PAX9: variants seen among roughly 807,000 people sequenced by gnomAD.
The protein encoded by PAX9 is paired box 9, also known as paired box protein Pax-9.
In PAX9, 6 loss-of-function variants were observed where a neutral mutation model predicts 29.1. The observed-to-expected ratio is 0.21, with a 90% CI of 0.11 to 0.41. The LOEUF is 0.41. Among genes scored for constraint, PAX9 ranks in the 10% least tolerant of loss-of-function variants. PAX9 has a pLI of 1.00. For synonymous variants in PAX9, 217 were observed against 211.7 expected, an observed-to-expected ratio of 1.03 and a Z score of -0.22; for missense variants, 443 against 479.1, an observed-to-expected ratio of 0.92 and a Z score of 0.70.
intron 2 of PAX9, 139 bp from the exon 3 acceptor site, chr14:36,666,323 G>GC: frequency 8.9e-7 from 1 of 1,123,318 alleles, no homozygotes. Context: ...GCTGGGCCCA[G>GC]CGCCCTCGGG....
upstream of PAX9, chr14:36,658,903 T>G (rs2139102567): frequency 6.6e-6 from 1 of 152,460 alleles, no homozygotes; most frequent in Non-Finnish European, 1.5e-5. Context: ...CCCCGGCCCC[T>G]GCTCCCCTTG....
chr14:36,659,276 C>T (rs879625385), upstream of PAX9, among the ~76,000 whole-genome samples: 5 of 152,202 alleles, frequency 3.3e-5, no homozygotes, highest in Middle Eastern at 3.2e-3. Context: ...TTACATTCAT[C>T]GGGACTGACC....
chr14:36,679,312 C>A lies in PAX9; in HGVS notation c.*2860C>A. The A allele has an allele frequency of 1.0e-6, 1 of 973,614 alleles. No individual in the cohort carries two copies. The highest frequency in any genetic ancestry group is 1.2e-6 in the Non-Finnish European group (1 of 819,392). The allele number at this position is 973,614 out of a possible 1,614,324, so 60.3% of individuals were successfully genotyped here. A position where few individuals can be genotyped will look rare whatever the true frequency, so the allele number is the denominator to read the frequency against. On this transcript the variant is annotated 3_prime_UTR_variant, in exon 4 of 4. Transcript: ENST00000361487. ...GTATGTATATACAGTATGTCAAAAG[C>A]CTTTTATTTTTATACTTCAAATGCT...
intron 3 of PAX9, among the ~76,000 whole-genome samples, chr14:36,668,766 C>T (rs1312348083): frequency 2.6e-5 from 4 of 151,864 alleles, no homozygotes; most frequent in Non-Finnish European, 5.9e-5. Context: ...TAATACACTT[C>T]AAAACTAAAC....
Position 36,676,527 on chromosome 14 carries a change from A to C in PAX9, c.*75A>C. 1.5e-5 allele frequency: 23 copies of C among 1,547,070 alleles called. No homozygotes were observed. The highest frequency in any genetic ancestry group is 2.3e-5 in the East Asian group (1 of 43,968). On this transcript the variant is annotated 3_prime_UTR_variant, in exon 4 of 4. Coordinates refer to ENST00000361487, the MANE Select transcript of PAX9 (RefSeq NM_001372076.1). ...CCTCCTCCCCCAATTCCCAGGTCTC[A>C]CATCCCACCCCTCCTGCCCTCCAAC...
chr14:36,666,275 C>T, intron 2 of PAX9, 187 bp from the exon 3 acceptor site: 1 of 672,480 alleles, frequency 1.5e-6, no homozygotes, highest in South Asian at 1.9e-5. Flanking sequence ...GGGAGTAAAA[C>T]TTCACCAGGC....
At chr14:36,666,301 C>T in intron 2 of PAX9, 161 bp from the exon 3 acceptor site, 1 of 819,524 alleles carries the variant, frequency 1.2e-6, no homozygotes, top group Non-Finnish European at 1.9e-6. Context: ...GCTGGAAGCA[C>T]AGGAGGTCGC....
upstream of PAX9, among the ~76,000 whole-genome samples, chr14:36,661,481 AC>A (rs1391121249): frequency 6.6e-6 from 1 of 152,182 alleles, no homozygotes; most frequent in African/African-American, 2.4e-5. Context: ...ACCCCTGTGC[AC>A]GGTGGCGCCC....
chr14:36,676,509 C>A lies in PAX9; in HGVS notation c.*57C>A. The A allele has an allele frequency of 6.3e-7, 1 of 1,595,260 alleles. No homozygotes were observed. The highest frequency in any genetic ancestry group is 8.5e-7 in the Non-Finnish European group (1 of 1,174,840). On this transcript the variant is annotated 3_prime_UTR_variant, in exon 4 of 4. Transcript: ENST00000361487. ...GGTCTCCCTGTCTCAGCACCTCCTC[C>A]CCCAATTCCCAGGTCTCACATCCCA...
Position 36,662,057 on chromosome 14 carries a change from A to C in PAX9, c.-33A>C. 1 of 1,560,944 alleles carries C rather than the reference A, an allele frequency of 6.4e-7. No individual in the cohort carries two copies. The highest frequency in any genetic ancestry group is 8.7e-7 in the Non-Finnish European group (1 of 1,153,478). On this transcript the variant is annotated 5_prime_UTR_variant, in exon 1 of 4. Transcript: ENST00000361487. ...GGAAAGTTTCTGTCTGGGAGTGCGG[A>C]ACTGGGGCCGGGTTGGTGTACTGCT...
In PAX9 at chr14:36,663,248, C is replaced by T; in HGVS notation, c.356C>T (p.Ser119Phe). 6.2e-7 allele frequency: 1 copy of T among 1,614,154 alleles called. No individual in the cohort carries two copies. Among genetic ancestry groups the T allele is most frequent in the Non-Finnish European group, 8.5e-7 (1 of 1,180,038 alleles). Residue 119 changes from serine (S) to phenylalanine (F), a missense_variant, in exon 2 of 4, where the codon TCC becomes TTC. This residue lies in a region of PAX9 where 336 missense variants were observed against 317.2 expected (regional missense o/e 1.06). Coordinates refer to ENST00000361487, the MANE Select transcript of PAX9 (RefSeq NM_001372076.1). ...GTGTGCGACAAGTACAATGTGCCCT[C>T]CGTGAGCTCCATCAGCCGCATTCTG... ...DGVCDKYNVP[S>F]VSSISRILRN...
At chr14:36,667,399 C>T (rs1288081038) in intron 3 of PAX9, among the ~76,000 whole-genome samples, 1 of 151,800 alleles carries the variant, frequency 6.6e-6, no homozygotes, top group Non-Finnish European at 1.5e-5. Context: ...AATTCATCAC[C>T]GTCCTGGAGT....
At position 36,666,538 on chromosome 14, in the gene PAX9, C is replaced by T. The variant is rs551285943; in HGVS notation, c.708C>T (p.Ala236=). The T allele has an allele frequency of 8.2e-6, 13 of 1,593,358 alleles. No homozygotes were observed. The Admixed American group carries it at 2.3e-4, about 28-fold the overall frequency. Residue 236 remains alanine (A), a synonymous_variant, in exon 3 of 4, where the codon GCC becomes GCT. Transcript: ENST00000361487. ...TGGGCCGCAACAACTTCCCCGCCGCCGCCCCGCACGCGGTGAACGGGTTGG... is the reference window on the plus strand; with the variant it reads ...TGGGCCGCAACAACTTCCCCGCCGCTGCCCCGCACGCGGTGAACGGGTTGG... ...SSLGRNNFPA[A]APHAVNGLEK...
Position 36,666,475 on chromosome 14 carries a change from C to A in PAX9, c.645C>A (p.Ser215=), listed in dbSNP as rs766239217. 6.2e-7 allele frequency: 1 copy of A among 1,611,076 alleles called. No homozygotes were observed. The highest frequency in any genetic ancestry group is 8.5e-7 in the Non-Finnish European group (1 of 1,178,998). Residue 215 remains serine, a synonymous_variant, in exon 3 of 4, where the codon TCC becomes TCA. Coordinates refer to ENST00000361487, the MANE Select transcript of PAX9 (RefSeq NM_001372076.1). ...TCTCTCCATCAGTGAGCGACAGCTC[C>A]CCCTACCACAGCCCCAAGGTGGAGG... ...RSITDQVSDS[S]PYHSPKVEEW... is the part of the protein sequence containing the mutation.
intron 3 of PAX9, among the ~76,000 whole-genome samples, chr14:36,674,938 T>C (rs1881828114): frequency 1.3e-5 from 2 of 152,360 alleles, no homozygotes; most frequent in South Asian, 4.1e-4. Context: ...AAAATAGTTT[T>C]TGAGACCGCA....
Position 36,679,036 on chromosome 14 carries a change from C to T in PAX9, c.*2584C>T, listed in dbSNP as rs1368518551. On this transcript the variant is annotated 3_prime_UTR_variant, in exon 4 of 4. Coordinates refer to ENST00000361487, the MANE Select transcript of PAX9 (RefSeq NM_001372076.1). ...CTTTTAAACTGGCAAATGCACTCTT[C>T]AGAAATCCTTTTCTATCTGATCCAC... 1.0e-6 allele frequency: 1 copy of T among 985,336 alleles called. No individual in the cohort carries two copies. Among genetic ancestry groups the T allele is most frequent in the African/African-American group, 1.7e-5 (1 of 57,214 alleles). The allele number at this position is 985,336 out of a possible 1,614,324, so 61.0% of individuals were successfully genotyped here.
chr14:36,674,142 C>T (rs894262222), intron 3 of PAX9, among the ~76,000 whole-genome samples: 1 of 152,202 alleles, frequency 6.6e-6, no homozygotes, highest in Non-Finnish European at 1.5e-5. Flanking sequence ...ATACCCATCT[C>T]CTGAGAGCCT....
chr14:36,676,691 G>T lies in PAX9; in HGVS notation c.*239G>T. The T allele has an allele frequency of 7.1e-6, 4 of 564,418 alleles. No homozygotes were observed. The highest frequency in any genetic ancestry group is 1.3e-5 in the Non-Finnish European group (4 of 313,930). 35.0% of individuals were successfully genotyped at this position (564,418 alleles called of 1,614,324 possible). On this transcript the variant is annotated 3_prime_UTR_variant, in exon 4 of 4. Coordinates refer to ENST00000361487, the MANE Select transcript of PAX9 (RefSeq NM_001372076.1). ...AAAAACAAGAGCAACAATAAGCATT[G>T]AATGAGACATTTGTGTTGCCCACAT...
chr14:36,668,859 T>C (rs1207393071), intron 3 of PAX9, among the ~76,000 whole-genome samples: 1 of 152,126 alleles, frequency 6.6e-6, no homozygotes, highest in Non-Finnish European at 1.5e-5. Context: ...TTTTATATAC[T>C]AAATTTTAAA....
Sources: allele counts gnomAD v4.1 joint callset (sites outside exome capture counted in the v4.1 genomes callset), GRCh38; gene constraint gnomAD v4.1.1; regional missense constraint gnomAD v4.1.1; transcripts MANE v1.5; gene names NCBI Gene and HGNC (gene_info 2026-07-23, HGNC 2026-07-21).